RAB40B: variants seen among roughly 807,000 people sequenced by gnomAD.
RAB40B encodes the protein RAB40B, member RAS oncogene family.
In RAB40B, 21 loss-of-function variants were observed where a neutral mutation model predicts 24.0. That is an observed-to-expected ratio of 0.88 (90% CI 0.62 to 1.26). RAB40B has a LOEUF of 1.26. RAB40B is among the 50% of genes most tolerant of loss of function. RAB40B has a pLI of 0.00. For missense variants in RAB40B, 348 were observed against 390.5 expected, an observed-to-expected ratio of 0.89 and a Z score of 0.92; for synonymous variants, 167 against 169.8, an observed-to-expected ratio of 0.98 and a Z score of 0.13.
At chr17:82,658,856 C>G (rs752620492) in intron 4 of RAB40B, 143 bp from the exon 5 acceptor site, 1 of 711,376 alleles carries the variant, frequency 1.4e-6, no homozygotes. Flanking sequence ...TTTGGAAAGA[C>G]CGTCTTTGCA....
intron 1 of RAB40B, among the ~76,000 whole-genome samples, chr17:82,670,430 C>T (rs572624408): frequency 6.6e-6 from 1 of 152,196 alleles, no homozygotes; most frequent in African/African-American, 2.4e-5. Context: ...GGTAATCCAC[C>T]TGCCTTGGCC....
At chr17:82,666,098 GCCA>G (rs2046254133) in intron 1 of RAB40B, among the ~76,000 whole-genome samples, 1 of 151,668 alleles carries the variant, frequency 6.6e-6, no homozygotes, top group African/African-American at 2.4e-5. Context: ...CACCGCACCT[GCCA>G]CCACACCTGC....
chr17:82,672,099 C>T (rs796892777), intron 1 of RAB40B, among the ~76,000 whole-genome samples: 218 of 129,444 alleles, frequency 1.7e-3, no homozygotes, highest in Non-Finnish European at 2.6e-3. Flanking sequence ...TGACACACCC[C>T]ACCCCTGTAA....
chr17:82,670,025 CT>C (rs1192185297), intron 1 of RAB40B, among the ~76,000 whole-genome samples: 1 of 152,132 alleles, frequency 6.6e-6, no homozygotes, highest in African/African-American at 2.4e-5. Flanking sequence ...ATAACTCCAG[CT>C]TTGATATGTC....
chr17:82,669,577 C>T (rs1195598089), intron 1 of RAB40B, among the ~76,000 whole-genome samples: 4 of 152,136 alleles, frequency 2.6e-5, no homozygotes, highest in African/African-American at 7.2e-5. Flanking sequence ...CTCTTGAACC[C>T]GGGAGTTGGA....
At position 82,675,365 on chromosome 17, in the gene RAB40B, C is replaced by T. The variant is rs1205433664; in HGVS notation, c.143-10809G>A. The stretch of plus-strand genomic sequence containing the variant: ...ATGACCAGCTTTGAAAGGACAATGA[C>T]AGCCGCCTGTCTGACGTGGTCTCCA... On this transcript the variant is annotated intron_variant, in intron 1 of 5. Coordinates refer to ENST00000571995, the MANE Select transcript of RAB40B (RefSeq NM_006822.3). The surrounding 1 kb of genome is among the most constrained non-coding windows in gnomAD (Gnocchi z 4.5). Among the ~76,000 whole-genome samples, 2 of 152,202 alleles carry T rather than the reference C, an allele frequency of 1.3e-5. No homozygotes were observed. The highest frequency in any genetic ancestry group is 4.8e-5 in the African/African-American group (2 of 41,450).
At chr17:82,672,746 T>A (rs12940682) in intron 1 of RAB40B, among the ~76,000 whole-genome samples, 34,914 of 152,230 alleles carry the variant, frequency 0.23, 4,177 homozygotes, top group Middle Eastern at 0.35. Context: ...TCCAGAACTG[T>A]AAGAAATGCA....
At chr17:82,673,103 C>T (rs56878377) in intron 1 of RAB40B, among the ~76,000 whole-genome samples, 1 of 152,186 alleles carries the variant, frequency 6.6e-6, no homozygotes, top group African/African-American at 2.4e-5. Flanking sequence ...ACTTGGGAGG[C>T]TGAGGCAGGA....
chr17:82,661,166 C>T (rs993995619), intron 2 of RAB40B, 119 bp from the exon 3 acceptor site: 125 of 1,491,470 alleles, frequency 8.4e-5, no homozygotes, highest in East Asian at 1.7e-4. Context: ...GCCACCACGC[C>T]GCCAGCGTGA....
chr17:82,665,890 C>T (rs1377804657), intron 1 of RAB40B, among the ~76,000 whole-genome samples: 1 of 121,806 alleles, frequency 8.2e-6, no homozygotes, highest in Non-Finnish European at 1.8e-5. Context: ...AGAACAACAA[C>T]AAAAAAAAAA....
intron 4 of RAB40B, 102 bp from the exon 5 acceptor site, chr17:82,658,815 T>C: frequency 3.8e-6 from 4 of 1,057,216 alleles, no homozygotes; most frequent in Non-Finnish European, 5.4e-6. Context: ...CACGAGTTCA[T>C]GTCCACCCAG....
chr17:82,688,170 C>T lies in RAB40B; in HGVS notation c.142+10285G>A, dbSNP rs1055644088. ...AGCCGGGGCCCAAAACACACTAAGT[C>T]ACCATCACGCCCAGCTAATTTTTAA... is the stretch of plus-strand genomic sequence containing the variant. On this transcript the variant is annotated intron_variant, in intron 1 of 5. Transcript: ENST00000571995. Among the ~76,000 whole-genome samples, 4 of 152,080 alleles carry T rather than the reference C, an allele frequency of 2.6e-5. No individual in the cohort carries two copies. The East Asian group carries it at 7.8e-4, about 30-fold the overall frequency.
chr17:82,664,761 C>T (rs1352980136), intron 1 of RAB40B: 4 of 545,070 alleles, frequency 7.3e-6, no homozygotes, highest in Non-Finnish European at 1.3e-5. Context: ...CTGTCCTCAG[C>T]CGCCTTGGCC....
rs956000245 is a variant in RAB40B, at chr17:82,675,434, G to A, written c.143-10878C>T. Among the ~76,000 whole-genome samples, 11 of 152,162 alleles carry A rather than the reference G, an allele frequency of 7.2e-5. No individual in the cohort carries two copies. Among genetic ancestry groups the A allele is most frequent in the East Asian group, 3.8e-4 (2 of 5,204 alleles). On this transcript the variant is annotated intron_variant, in intron 1 of 5. Transcript: ENST00000571995. The surrounding 1 kb of genome is among the most constrained non-coding windows in gnomAD (Gnocchi z 4.5). ...CACAGCAGCACTTGGCCCTTCTCCC[G>A]AATCTATTCTGCTCCCGTGGATGGC...
At chr17:82,661,940 T>C (rs1050862024) in intron 2 of RAB40B, 1 of 954,676 alleles carries the variant, frequency 1.0e-6, no homozygotes, top group Admixed American at 6.5e-5. Flanking sequence ...GAAAGGGTGC[T>C]CCCCAGGGAT....
intron 1 of RAB40B, among the ~76,000 whole-genome samples, chr17:82,680,708 AAG>A (rs2046440640): frequency 1.3e-5 from 2 of 152,294 alleles, no homozygotes; most frequent in South Asian, 4.1e-4. Context: ...TTTTCATATG[AAG>A]TATTGATACA....
chr17:82,669,076 G>A (rs1037017381), intron 1 of RAB40B, among the ~76,000 whole-genome samples: 2 of 152,226 alleles, frequency 1.3e-5, no homozygotes, highest in Non-Finnish European at 2.9e-5. Context: ...GGTGGCTCAC[G>A]CCTGTAATCC....
Position 82,664,516 on chromosome 17 carries a change from C to T in RAB40B, c.183G>A (p.Arg61=), listed in dbSNP as rs548863089. The change falls in exon 2 of 6, where the codon CGG becomes CGA. Residue 61 remains arginine, a synonymous_variant. Coordinates refer to ENST00000571995, the MANE Select transcript of RAB40B (RefSeq NM_006822.3). The stretch of plus-strand genomic sequence containing the variant: ...CTCACCAGAGCTGCAGCTTCACCCG[C>T]CGCCCGTCCAGCAGGATGGTGGTCG... ...YKTTTILLDG[R]RVKLQLWDTS... 14 of 1,613,516 alleles carry T rather than the reference C, an allele frequency of 8.7e-6. No individual in the cohort carries two copies. The South Asian group carries it at 1.5e-4, about 18-fold the overall frequency.
rs773525501 is a variant in RAB40B, at chr17:82,657,707, C to T, written c.*156G>A. On this transcript the variant is annotated 3_prime_UTR_variant, in exon 6 of 6. Transcript: ENST00000571995. ...ATCCACGTAGAAATTCGAAGTCCGA[C>T]GGGGTAGTGTGTTTCCATCACACGG... 3.5e-5 allele frequency: 33 copies of T among 934,504 alleles called. No individual in the cohort carries two copies. The highest frequency in any genetic ancestry group is 2.1e-4 in the Middle Eastern group (1 of 4,770). The allele number at this position is 934,504 out of a possible 1,614,324, so 57.9% of individuals were successfully genotyped here.
Sources: gnomAD v4.1 joint callset for allele counts (sites outside exome capture counted in the v4.1 genomes callset) on GRCh38, gnomAD v4.1.1 for gene constraint, Gnocchi (gnomAD v3.1) non-coding constraint, MANE v1.5 for transcripts, NCBI Gene and HGNC (gene_info 2026-07-23, HGNC 2026-07-21) for gene names.